The following AGBL1 variants were observed in gnomAD, a reference collection of about 807,000 sequenced individuals.
AGBL1 encodes the protein cytosolic carboxypeptidase 4.
In AGBL1, 130 loss-of-function variants were observed where a neutral mutation model predicts 118.9. The ratio of observed to expected loss-of-function variants is 1.09; its 90% CI spans 0.95 to 1.26. AGBL1 has a LOEUF of 1.26. AGBL1 is among the 50% of genes most tolerant of loss of function. The pLI is 0.00. For synonymous variants in AGBL1, 555 were observed against 478.9 expected, an observed-to-expected ratio of 1.16 and a Z score of -2.08; for missense variants, 1,584 against 1,298.1, an observed-to-expected ratio of 1.22 and a Z score of -3.38.
intron 22 of AGBL1, among the ~76,000 whole-genome samples, chr15:86,828,603 G>C (rs914185749): frequency 6.6e-6 from 1 of 152,120 alleles, no homozygotes; most frequent in East Asian, 1.9e-4. Flanking sequence ...AGAAGATCTA[G>C]AAAAGGCAAA....
At chr15:86,313,896 G>T (rs1391155866) in intron 17 of AGBL1, among the ~76,000 whole-genome samples, 2 of 152,122 alleles carry the variant, frequency 1.3e-5, no homozygotes. Context: ...TCATTAAGTG[G>T]GAGCAGGCAT....
At chr15:86,080,537 T>C (rs1306863002) in intron 1 of AGBL1, among the ~76,000 whole-genome samples, 1 of 152,176 alleles carries the variant, frequency 6.6e-6, no homozygotes, top group Non-Finnish European at 1.5e-5. Context: ...AGGATCTGAC[T>C]AGAAGGTGTT....
At chr15:86,115,143 C>T (rs1189734880) in intron 1 of AGBL1, among the ~76,000 whole-genome samples, 2 of 152,126 alleles carry the variant, frequency 1.3e-5, no homozygotes, top group Non-Finnish European at 2.9e-5. Context: ...CTTTTGTTTT[C>T]CTAAAAATAT....
At chr15:86,838,796 TAG>T (rs2079203357) in intron 22 of AGBL1, among the ~76,000 whole-genome samples, 1 of 150,800 alleles carries the variant, frequency 6.6e-6, no homozygotes, top group African/African-American at 2.4e-5. Flanking sequence ...TTTAAAAAAA[TAG>T]TTGGACATGG....
chr15:86,211,718 C>T (rs116189452), intron 5 of AGBL1, among the ~76,000 whole-genome samples: 3 of 152,242 alleles, frequency 2.0e-5, no homozygotes, highest in Admixed American at 6.5e-5. Context: ...TTGGTGGGAG[C>T]GTCCGAATTT....
chr15:86,103,467 A>C (rs1896852853), intron 1 of AGBL1, among the ~76,000 whole-genome samples: 1 of 152,182 alleles, frequency 6.6e-6, no homozygotes, highest in African/African-American at 2.4e-5. Context: ...CTGGTAAAGC[A>C]GTCACTTCTC....
At chr15:86,181,208 T>G (rs1420895106) in intron 5 of AGBL1, among the ~76,000 whole-genome samples, 1 of 152,074 alleles carries the variant, frequency 6.6e-6, no homozygotes, top group Non-Finnish European at 1.5e-5. Context: ...TTACAAAGAC[T>G]CATTTACAAA....
intron 16 of AGBL1, among the ~76,000 whole-genome samples, chr15:86,282,957 A>C (rs1182381796): frequency 6.6e-6 from 1 of 152,214 alleles, no homozygotes; most frequent in Non-Finnish European, 1.5e-5. Flanking sequence ...GAAACTCTCA[A>C]AATTTTTTTA....
At chr15:86,679,843 TC>T (rs1241705836) in intron 22 of AGBL1, among the ~76,000 whole-genome samples, 2 of 152,184 alleles carry the variant, frequency 1.3e-5, no homozygotes, top group Non-Finnish European at 2.9e-5. Flanking sequence ...TTATAGATTT[TC>T]TAATATTCAG....
chr15:86,204,720 G>C (rs1047679600), intron 5 of AGBL1, among the ~76,000 whole-genome samples: 1 of 152,150 alleles, frequency 6.6e-6, no homozygotes, highest in Non-Finnish European at 1.5e-5. Context: ...CTCCCGAGTA[G>C]CTGGGACTAC....
chr15:86,663,962 A>T (rs1247806593), intron 21 of AGBL1, among the ~76,000 whole-genome samples: 4 of 152,176 alleles, frequency 2.6e-5, no homozygotes, highest in African/African-American at 7.2e-5. Context: ...AAATGTAATC[A>T]CAGAGGGTTT....
intron 6 of AGBL1, among the ~76,000 whole-genome samples, chr15:86,243,417 A>C (rs1231659371): frequency 3.3e-5 from 5 of 152,218 alleles, no homozygotes; most frequent in Non-Finnish European, 4.4e-5. Context: ...ATTAGCTACA[A>C]GTCAGGCCCT....
chr15:87,003,147 G>A (rs935330988), intron 24 of AGBL1, among the ~76,000 whole-genome samples: 22 of 151,088 alleles, frequency 1.5e-4, no homozygotes, highest in African/African-American at 2.5e-4. Context: ...TTTCAGATAC[G>A]TCCCTTCAAT....
chr15:86,371,707 A>G (rs377317020), intron 17 of AGBL1, among the ~76,000 whole-genome samples: 2 of 152,118 alleles, frequency 1.3e-5, no homozygotes, highest in Non-Finnish European at 2.9e-5. Flanking sequence ...GTGTGCAGAA[A>G]TGTGTTATCT....
intron 22 of AGBL1, among the ~76,000 whole-genome samples, chr15:86,800,326 T>A (rs1057399212): frequency 8.5e-5 from 13 of 152,260 alleles, no homozygotes; most frequent in African/African-American, 2.6e-4. Flanking sequence ...GTTGACTAAT[T>A]TATATTAGGA....
chr15:86,445,259 G>A (rs2082107964), intron 18 of AGBL1, among the ~76,000 whole-genome samples: 1 of 152,216 alleles, frequency 6.6e-6, no homozygotes, highest in African/African-American at 2.4e-5. Context: ...TGGAGAGAAA[G>A]AAATCCATAA....
intron 22 of AGBL1, among the ~76,000 whole-genome samples, chr15:86,758,918 A>G (rs2141267404): frequency 6.7e-6 from 1 of 149,880 alleles, no homozygotes; most frequent in East Asian, 2.0e-4. Flanking sequence ...GGTTGCAGTA[A>G]GTGGAGATTG....
At chr15:86,220,844 A>G (rs976729881) in intron 5 of AGBL1, among the ~76,000 whole-genome samples, 3 of 152,178 alleles carry the variant, frequency 2.0e-5, no homozygotes, top group African/African-American at 4.8e-5. Flanking sequence ...GGAAGCTCAA[A>G]CAATGGGGGA....
intron 22 of AGBL1, among the ~76,000 whole-genome samples, chr15:86,699,928 C>A (rs1356430238): frequency 6.6e-6 from 1 of 151,978 alleles, no homozygotes; most frequent in Non-Finnish European, 1.5e-5. Flanking sequence ...GATTCTTTTT[C>A]GTCTGAAACA....
Sources: gnomAD v4.1 joint callset for allele counts (sites outside exome capture counted in the v4.1 genomes callset) on GRCh38, gnomAD v4.1.1 for gene constraint, MANE v1.5 for transcripts, NCBI Gene and HGNC (gene_info 2026-07-23, HGNC 2026-07-21) for gene names.